NECAB1: variants seen among roughly 807,000 people sequenced by gnomAD.
NECAB1 encodes N-terminal EF-hand calcium-binding protein 1.
Under a neutral mutation model 57.5 loss-of-function variants are expected in NECAB1, and 29 were observed. That is an observed-to-expected ratio of 0.50 (90% CI 0.38 to 0.69). NECAB1 has a LOEUF of 0.69. Ranked by LOEUF, NECAB1 falls within the 30% of genes least tolerant of loss-of-function variation. The pLI is 0.00. For missense variants in NECAB1, 372 were observed against 413.8 expected (o/e 0.90, Z 0.88); for synonymous variants, 142 against 147.7 (o/e 0.96, Z 0.28).
At chr8:90,943,427 G>A (rs1365653728) in intron 10 of NECAB1, among the ~76,000 whole-genome samples, 2 of 152,084 alleles carry the variant, frequency 1.3e-5, no homozygotes, top group African/African-American at 2.4e-5. Flanking sequence ...TGAGCCTCAG[G>A]GAATCACTAC....
chr8:90,903,056 G>GGAAA (rs1809545537), intron 5 of NECAB1, among the ~76,000 whole-genome samples: 1 of 151,804 alleles, frequency 6.6e-6, no homozygotes, highest in Admixed American at 6.6e-5. Context: ...CAATTGACAT[G>GGAAA]GAAAGATGTA....
At chr8:90,860,919 G>A (rs1484554117) in intron 3 of NECAB1, among the ~76,000 whole-genome samples, 1 of 152,068 alleles carries the variant, frequency 6.6e-6, no homozygotes, top group Non-Finnish European at 1.5e-5. Flanking sequence ...GAGGCTCCTT[G>A]GGAAATTCGT....
chr8:90,795,103 A>G (rs533334935), intron 1 of NECAB1, among the ~76,000 whole-genome samples: 2 of 152,210 alleles, frequency 1.3e-5, no homozygotes, highest in Non-Finnish European at 2.9e-5. Flanking sequence ...TTTTACACCA[A>G]TGGACTATCA....
In NECAB1 at chr8:90,955,761, A is replaced by C. The variant is rs1008122838; in HGVS notation, c.*249A>C. The C allele has an allele frequency of 5.3e-6, 2 of 380,852 alleles. No individual in the cohort carries two copies. Among genetic ancestry groups the C allele is most frequent in the African/African-American group, 2.1e-5 (1 of 47,592 alleles). The allele number at this position is 380,852 out of a possible 1,614,324, so 23.6% of individuals were successfully genotyped here. On this transcript the variant is annotated 3_prime_UTR_variant, in exon 13 of 13. Coordinates refer to ENST00000417640, the MANE Select transcript of NECAB1 (RefSeq NM_022351.5). ...CTTTGCTACATTGTAACTCACCTAA[A>C]ACCTTTTAGTGACAAAATCCTAATA... is the stretch of plus-strand genomic sequence containing the variant.
chr8:90,950,387 TTAAAA>T lies in NECAB1; in HGVS notation c.938+508_938+512del, dbSNP rs1235566591. The stretch of plus-strand genomic sequence containing the variant: ...TGGAAATTCAAGACGTTGTCAAAAA[TTAAAA>T]TAAATCAGCTTCTTTAAAAATTAAA... On this transcript the variant is annotated intron_variant, in intron 11 of 12. Coordinates refer to ENST00000417640, the MANE Select transcript of NECAB1 (RefSeq NM_022351.5). Among the ~76,000 whole-genome samples, 26 of 152,274 alleles carry T rather than the reference TTAAAA, an allele frequency of 1.7e-4. No individual in the cohort carries two copies. In the East Asian group the frequency reaches 4.8e-3, roughly 28 times the overall value.
intron 3 of NECAB1, among the ~76,000 whole-genome samples, chr8:90,865,973 T>C (rs1418409373): frequency 6.6e-6 from 1 of 152,220 alleles, no homozygotes; most frequent in Non-Finnish European, 1.5e-5. Context: ...CTACAGTCTT[T>C]ACTGTCCCTT....
chr8:90,870,851 A>G (rs1042697142), intron 3 of NECAB1, among the ~76,000 whole-genome samples: 1 of 152,210 alleles, frequency 6.6e-6, no homozygotes, highest in Non-Finnish European at 1.5e-5. Flanking sequence ...GAATTAATGA[A>G]TGAATGGGAG....
chr8:90,808,019 T>C (rs1300590498), intron 2 of NECAB1, among the ~76,000 whole-genome samples: 1 of 60,702 alleles, frequency 1.6e-5, no homozygotes, highest in Non-Finnish European at 2.9e-5. Flanking sequence ...ATAGTATGAC[T>C]TTTTTTTTCT....
At chr8:90,947,303 T>TACACACACACACACACAC (rs71771328) in intron 10 of NECAB1, among the ~76,000 whole-genome samples, 4 of 78,286 alleles carry the variant, frequency 5.1e-5, no homozygotes, top group Admixed American at 3.1e-4. Flanking sequence ...TAACAACACA[T>TACACACACACACACACAC]ACACACACAC....
rs770688429 is a variant in NECAB1, at chr8:90,917,638, A to C, written c.494+10A>C. Reference sequence around the variant, plus strand: ...AAACCCGTCAAGAAAGGCAATTTACATGTTTTCATCTGATGTCTATTTAGT... The same window carrying C: ...AAACCCGTCAAGAAAGGCAATTTACCTGTTTTCATCTGATGTCTATTTAGT... On this transcript the variant is annotated intron_variant, in intron 6 of 12. Transcript: ENST00000417640. 4.4e-6 allele frequency: 7 copies of C among 1,603,866 alleles called. No homozygotes were observed. The African/African-American group carries it at 8.1e-5, about 18-fold the overall frequency.
At chr8:90,927,206 T>C (rs78686594) in intron 7 of NECAB1, among the ~76,000 whole-genome samples, 16 of 41,424 alleles carry the variant, frequency 3.9e-4, no homozygotes, top group African/African-American at 1.6e-3. Context: ...TTCTCTCTCT[T>C]TTTTTTTTTT....
chr8:90,948,106 T>C (rs2130265066), intron 10 of NECAB1, among the ~76,000 whole-genome samples: 1 of 152,330 alleles, frequency 6.6e-6, no homozygotes, highest in Middle Eastern at 3.4e-3. Context: ...ATTTGTCCAG[T>C]ATACTGTTGA....
chr8:90,949,839 G>A lies in NECAB1; in HGVS notation c.893G>A (p.Arg298His), dbSNP rs767867163. 82 of 1,608,164 alleles carry A rather than the reference G, an allele frequency of 5.1e-5. No individual in the cohort carries two copies. Among genetic ancestry groups the A allele is most frequent in the Non-Finnish European group, 6.5e-5 (76 of 1,176,224 alleles). Residue 298 changes from arginine (R) to histidine (H), a missense_variant, in exon 11 of 13, where the codon CGC (arginine) becomes CAC (histidine). Coordinates refer to ENST00000417640, the MANE Select transcript of NECAB1 (RefSeq NM_022351.5). ...ISIQKLSNES[R>H]YMIYEFWENS... Reference sequence around the variant, plus strand: ...ATACAGAAGCTTTCAAATGAATCTCGCTACATGATCTATGAGTTCTGGGAG... The same window carrying A: ...ATACAGAAGCTTTCAAATGAATCTCACTACATGATCTATGAGTTCTGGGAG...
At chr8:90,830,816 A>G (rs1226704035) in intron 3 of NECAB1, among the ~76,000 whole-genome samples, 1 of 152,102 alleles carries the variant, frequency 6.6e-6, no homozygotes, top group Non-Finnish European at 1.5e-5. Context: ...AGGAACCACA[A>G]AGCTGTGGAG....
intron 9 of NECAB1, among the ~76,000 whole-genome samples, chr8:90,935,928 A>G (rs2631007): frequency 0.52 from 78,701 of 152,044 alleles, 23,395 homozygotes; most frequent in African/African-American, 0.79. Context: ...TTAAAAGCAG[A>G]AAAGGATATT....
intron 2 of NECAB1, among the ~76,000 whole-genome samples, chr8:90,816,276 C>T (rs770985489): frequency 9.2e-5 from 14 of 151,816 alleles, no homozygotes; most frequent in Non-Finnish European, 1.6e-4. Context: ...ATATGGGTTT[C>T]GCAAATATTT....
intron 4 of NECAB1, among the ~76,000 whole-genome samples, chr8:90,880,020 A>T (rs1808808617): frequency 6.6e-6 from 1 of 152,232 alleles, no homozygotes; most frequent in African/African-American, 2.4e-5. Context: ...TCTGTACACT[A>T]ACTAATATAT....
chr8:90,820,558 T>G (rs1312846804), intron 2 of NECAB1, among the ~76,000 whole-genome samples: 1 of 151,864 alleles, frequency 6.6e-6, no homozygotes, highest in African/African-American at 2.4e-5. Context: ...TCATTTTAAA[T>G]GCTCACAAAA....
chr8:90,792,137 C>T (rs944949202), intron 1 of NECAB1, among the ~76,000 whole-genome samples, 152 bp downstream of exon 1: 1 of 152,092 alleles, frequency 6.6e-6, no homozygotes, highest in South Asian at 2.1e-4. Context: ...GAACGACTGT[C>T]CCTTAACTTG....
Sources: gnomAD v4.1 joint callset for allele counts (sites outside exome capture counted in the v4.1 genomes callset) on GRCh38, gnomAD v4.1.1 for gene constraint, MANE v1.5 for transcripts, NCBI Gene and HGNC (gene_info 2026-07-23, HGNC 2026-07-21) for gene names.